CLN6: variants seen among roughly 807,000 people sequenced by gnomAD.
CLN6 encodes ceroid-lipofuscinosis neuronal protein 6.
CLN6 carries 22 observed loss-of-function variants against 33.3 expected under a neutral mutation model. The ratio of observed to expected loss-of-function variants is 0.66; its 90% CI spans 0.47 to 0.94. The LOEUF (loss-of-function observed/expected upper bound fraction) is 0.94, where lower values mean the gene tolerates loss of function less well. CLN6 is among the 40% of genes least tolerant of loss of function. The pLI, the probability that CLN6 is intolerant of heterozygous loss-of-function variation, is 0.00. For missense variants in CLN6, 387 were observed against 417.1 expected (o/e 0.93, Z 0.63); for synonymous variants, 201 against 174.6 (o/e 1.15, Z -1.19).
At chr15:68,213,733 A>G (rs1420535964) in intron 3 of CLN6, 1 of 155,706 alleles carries the variant, frequency 6.4e-6, no homozygotes, top group Non-Finnish European at 1.4e-5. Context: ...AGCATTTCAG[A>G]TTTCAGATTT....
chr15:68,226,318 CAAAAAAA>C (rs35031604), intron 1 of CLN6, among the ~76,000 whole-genome samples: 1 of 63,236 alleles, frequency 1.6e-5, no homozygotes, highest in Middle Eastern at 0.011. Flanking sequence ...GACTCCATCT[CAAAAAAA>C]AAAAAAAAAA....
chr15:68,214,552 T>C, intron 2 of CLN6, 164 bp from the exon 3 acceptor site: 1 of 629,400 alleles, frequency 1.6e-6, no homozygotes, highest in Non-Finnish European at 2.9e-6. Context: ...CTCGGCAGCC[T>C]TGGGACAAAG....
upstream of CLN6, among the ~76,000 whole-genome samples, chr15:68,232,217 G>A (rs1038219616): frequency 6.7e-6 from 1 of 149,774 alleles, no homozygotes; most frequent in Non-Finnish European, 1.5e-5. The surrounding 1 kb of genome is among the most constrained non-coding windows in gnomAD (Gnocchi z 4.7). Flanking sequence ...GAGTGCAATG[G>A]CACGATCTCG....
intron 3 of CLN6, chr15:68,214,003 C>T: frequency 2.6e-6 from 1 of 389,384 alleles, no homozygotes; most frequent in Non-Finnish European, 4.9e-6. Context: ...ACAGCCTTGT[C>T]TTTAGGTCCT....
At chr15:68,229,767 A>AGCGGAGCGGCGGGAGGCGGG, upstream of CLN6, 1 of 317,896 alleles carries the variant, frequency 3.1e-6, no homozygotes, top group Non-Finnish European at 5.5e-6. Context: ...AGCGGAGCGG[A>AGCGGAGCGGCGGGAGGCGGG]GCGGAGCGGA....
At chr15:68,255,881 C>A (rs1002396645) in intron 1 of CLN6, among the ~76,000 whole-genome samples, 1 of 152,134 alleles carries the variant, frequency 6.6e-6, no homozygotes, top group African/African-American at 2.4e-5. Flanking sequence ...GAAACCTCAA[C>A]TTATCAGTTT....
rs1892333141 is a variant in CLN6 at position 68,246,832 on chromosome 15, A to C, written c.179+9858T>G. ...AATTAACAGACCATTAACTAGGCTAAGATAAAAGGAGAGAAGTCCCAAATA... is the reference window on the plus strand; with the variant it reads ...AATTAACAGACCATTAACTAGGCTACGATAAAAGGAGAGAAGTCCCAAATA... On this transcript the variant is annotated intron_variant, in intron 1 of 6. Coordinates refer to the CLN6 transcript ENST00000538696. The surrounding 1 kb of genome is among the most constrained non-coding windows in gnomAD (Gnocchi z 4.5). Among the ~76,000 whole-genome samples, 1 of 152,164 alleles carries C rather than the reference A, an allele frequency of 6.6e-6. No homozygotes were observed. The highest frequency in any genetic ancestry group is 2.4e-5 in the African/African-American group (1 of 41,400).
intron 1 of CLN6, among the ~76,000 whole-genome samples, chr15:68,249,271 C>A (rs1892354966): frequency 6.6e-6 from 1 of 152,124 alleles, no homozygotes; most frequent in South Asian, 2.1e-4. Context: ...GGAGGTTCCT[C>A]AAAAAGCTAA....
chr15:68,207,850 G>A lies in CLN6; in HGVS notation c.*290C>T, dbSNP rs2141135468. ...GGAGTGTGGTCAGGTGCAGAGGAGG[G>A]CAGGGGCCCGGATCCTGGCCCAGAA... is the stretch of plus-strand genomic sequence containing the variant. On this transcript the variant is annotated 3_prime_UTR_variant, in exon 7 of 7. Transcript: ENST00000249806. 1 of 465,012 alleles carries A rather than the reference G, an allele frequency of 2.2e-6. No homozygotes were observed. Among genetic ancestry groups the A allele is most frequent in the East Asian group, 4.2e-5 (1 of 23,606 alleles). 28.8% of individuals were successfully genotyped at this position (465,012 alleles called of 1,614,324 possible). A position where few individuals can be genotyped will look rare whatever the true frequency, so the allele number is the denominator to read the frequency against.
rs531157389 is a variant in CLN6 at position 68,219,695 on chromosome 15, G to C, written c.84-1045C>G. Among the ~76,000 whole-genome samples, 1 of 152,068 alleles carries C rather than the reference G, an allele frequency of 6.6e-6. No homozygotes were observed. Among genetic ancestry groups the C allele is most frequent in the African/African-American group, 2.4e-5 (1 of 41,410 alleles). On this transcript the variant is annotated intron_variant, in intron 1 of 6. Coordinates refer to ENST00000249806, the MANE Select transcript of CLN6 (RefSeq NM_017882.3). This position sits in a 1 kb window ranked among gnomAD's most constrained non-coding sequence, Gnocchi z 4.2. ...GCTGTACTCTCCCATCTAGACCCTC[G>C]AGAACAGGGGTGACCTTTAAGGTTC...
rs2093200167 is a variant in CLN6, at chr15:68,209,974, C to CA, written c.543-216dup. Among the ~76,000 whole-genome samples the CA allele has an allele frequency of 6.6e-6, 1 of 152,130 alleles. No homozygotes were observed. The highest frequency in any genetic ancestry group is 6.5e-5 in the Admixed American group (1 of 15,280). Reference sequence around the variant, plus strand: ...ACAGGAAGGCAACGCACGTGTGAGTCAGAGGCCCAGAGGCATCCACACCGC... The same window carrying CA: ...ACAGGAAGGCAACGCACGTGTGAGTCAAGAGGCCCAGAGGCATCCACACCGC... On this transcript the variant is annotated intron_variant, in intron 5 of 6. Coordinates refer to ENST00000249806, the MANE Select transcript of CLN6 (RefSeq NM_017882.3). This position sits in a 1 kb window ranked among gnomAD's most constrained non-coding sequence, Gnocchi z 4.9.
At chr15:68,229,731 G>A (rs1480140985), upstream of CLN6, 5 of 504,260 alleles carry the variant, frequency 9.9e-6, no homozygotes, top group South Asian at 5.1e-5. Context: ...AGGAACAGGC[G>A]GGGCTGCGGA....
intron 1 of CLN6, 103 bp downstream of exon 1, chr15:68,229,399 A>C (rs2093261891): frequency 1.1e-6 from 1 of 929,062 alleles, no homozygotes; most frequent in East Asian, 3.6e-5. Flanking sequence ...CCAGCGCCGC[A>C]CACGAGGTTC....
At position 68,256,819 on chromosome 15, in the gene CLN6, G is replaced by C; in HGVS notation, c.50C>G (p.Pro17Arg). 1.4e-6 allele frequency: 1 copy of C among 701,770 alleles called. No homozygotes were observed. The allele number at this position is 701,770 out of a possible 1,614,324, so 43.5% of individuals were successfully genotyped here. ...CCTAGGGATGGCTCCCAGTGTCTCT[G>C]GCCGGGGCCTGCCTCTCGCTCGCCG... The change falls in exon 1 of 7, where the codon CCA becomes CGA. Residue 17 changes from proline (P) to arginine (R), a missense_variant. Transcript: ENST00000538696. The surrounding 1 kb of genome is among the most constrained non-coding windows in gnomAD (Gnocchi z 4.1).
intron 1 of CLN6, among the ~76,000 whole-genome samples, chr15:68,237,361 C>T (rs1163549398): frequency 1.3e-5 from 2 of 151,848 alleles, no homozygotes; most frequent in Non-Finnish European, 2.9e-5. Flanking sequence ...GTGGCATGCT[C>T]CGGTAGTTCC....
chr15:68,221,075 T>C (rs1350866759), intron 1 of CLN6, among the ~76,000 whole-genome samples: 1 of 151,996 alleles, frequency 6.6e-6, no homozygotes, highest in African/African-American at 2.4e-5. Context: ...TGGCCTCAAA[T>C]TCCTGGGCTC....
In CLN6 at chr15:68,208,016, G is replaced by C; in HGVS notation, c.*124C>G. The C allele has an allele frequency of 9.8e-7, 1 of 1,022,400 alleles. No homozygotes were observed. The highest frequency in any genetic ancestry group is 1.4e-5 in the South Asian group (1 of 69,628). The allele number at this position is 1,022,400 out of a possible 1,614,324, so 63.3% of individuals were successfully genotyped here. On this transcript the variant is annotated 3_prime_UTR_variant, in exon 7 of 7. Coordinates refer to ENST00000249806, the MANE Select transcript of CLN6 (RefSeq NM_017882.3). This position sits in a 1 kb window ranked among gnomAD's most constrained non-coding sequence, Gnocchi z 5.8. The stretch of plus-strand genomic sequence containing the variant: ...CACACACACGAATCCACGCACACGA[G>C]GCACACCCCACTCATGCTCTCGGTC...
At chr15:68,222,524 C>T (rs903209478) in intron 1 of CLN6, among the ~76,000 whole-genome samples, 10 of 150,326 alleles carry the variant, frequency 6.7e-5, no homozygotes, top group African/African-American at 1.7e-4. Flanking sequence ...CTGGCCGCCC[C>T]GTCTGGGAAG....
At position 68,211,843 on chromosome 15, in the gene CLN6, G is replaced by A. The variant is rs2093206613; in HGVS notation, c.318C>T (p.Arg106=). The A allele has an allele frequency of 1.9e-6, 3 of 1,613,700 alleles. No homozygotes were observed. The highest frequency in any genetic ancestry group is 1.3e-5 in the African/African-American group (1 of 74,910). ...LLLKLIERSP[R]TLPRSITYVS... is the part of the protein sequence containing the mutation. ...CGTACGTGATGGAGCGTGGCAGGGT[G>A]CGGGGGGACCGCTCGATGAGCTGGG... The change falls in exon 4 of 7, where the codon CGC becomes CGT. Residue 106 remains arginine (R), a synonymous_variant. Coordinates refer to ENST00000249806, the MANE Select transcript of CLN6 (RefSeq NM_017882.3). The surrounding 1 kb of genome is among the most constrained non-coding windows in gnomAD (Gnocchi z 5.9).
Sources: gnomAD v4.1 joint callset for allele counts (sites outside exome capture counted in the v4.1 genomes callset) on GRCh38, gnomAD v4.1.1 for gene constraint, Gnocchi (gnomAD v3.1) non-coding constraint, MANE v1.5 for transcripts, NCBI Gene and HGNC (gene_info 2026-07-23, HGNC 2026-07-21) for gene names.